DPYD: variants seen among roughly 807,000 people sequenced by gnomAD.
The protein encoded by DPYD is dihydropyrimidine dehydrogenase [NADP(+)].
Under a neutral mutation model 116.2 loss-of-function variants are expected in DPYD, and 109 were observed. The observed-to-expected ratio is 0.94, with a 90% CI of 0.80 to 1.10. The LOEUF (loss-of-function observed/expected upper bound fraction) is 1.10, where lower values mean the gene tolerates loss of function less well. Ranked by LOEUF, DPYD falls within the 50% of genes least tolerant of loss-of-function variation. DPYD has a pLI of 0.00. For missense variants in DPYD, 1,302 were observed against 1,254.5 expected (o/e 1.04, Z -0.57); for synonymous variants, 440 against 432.0 (o/e 1.02, Z -0.23).
intron 2 of DPYD, among the ~76,000 whole-genome samples, chr1:97,874,585 T>G (rs1671814891): frequency 6.6e-6 from 1 of 151,920 alleles, no homozygotes; most frequent in Admixed American, 6.6e-5. Context: ...ATTCAGACAC[T>G]CAGAGGAATT....
intron 18 of DPYD, among the ~76,000 whole-genome samples, chr1:97,301,031 A>G (rs528325642): frequency 6.6e-6 from 1 of 152,126 alleles, no homozygotes; most frequent in African/African-American, 2.4e-5. Flanking sequence ...GAAGCTAGTA[A>G]CCATACAAGC....
At chr1:97,515,692 A>G (rs1313271028) in intron 13 of DPYD, 34 bp downstream of exon 13, 3 of 1,574,960 alleles carry the variant, frequency 1.9e-6, no homozygotes, top group East Asian at 2.2e-5. Flanking sequence ...TATATGATAG[A>G]CATTTCTATA....
At chr1:97,908,364 T>G (rs1017576168) in intron 1 of DPYD, among the ~76,000 whole-genome samples, 3 of 152,116 alleles carry the variant, frequency 2.0e-5, no homozygotes, top group Admixed American at 6.5e-5. Flanking sequence ...CTTTCTTATG[T>G]ATCTTCCCAT....
chr1:97,215,837 A>G (rs77708741), intron 19 of DPYD, among the ~76,000 whole-genome samples: 126 of 152,274 alleles, frequency 8.3e-4, no homozygotes, highest in African/African-American at 3.0e-3. Context: ...AAAGTGACCT[A>G]AGCATTCTTT....
At chr1:97,560,325 A>C (rs1652051404) in intron 11 of DPYD, among the ~76,000 whole-genome samples, 1 of 152,198 alleles carries the variant, frequency 6.6e-6, no homozygotes, top group Non-Finnish European at 1.5e-5. Context: ...CAAGTATTAA[A>C]TACAAAAGAA....
chr1:97,362,189 G>A (rs1007336605), intron 16 of DPYD, among the ~76,000 whole-genome samples: 1 of 152,136 alleles, frequency 6.6e-6, no homozygotes. Flanking sequence ...AATCATGAGC[G>A]AACTCCCATT....
chr1:97,371,137 G>C (rs1671292440), intron 16 of DPYD, among the ~76,000 whole-genome samples: 1 of 151,692 alleles, frequency 6.6e-6, no homozygotes, highest in South Asian at 2.1e-4. Context: ...AAATTACTTA[G>C]GTACAAAGGC....
chr1:97,157,975 G>C (rs1320217927), intron 20 of DPYD, among the ~76,000 whole-genome samples: 1 of 152,076 alleles, frequency 6.6e-6, no homozygotes, highest in Non-Finnish European at 1.5e-5. Flanking sequence ...CACATATTTG[G>C]ACTTGACTGC....
intron 10 of DPYD, among the ~76,000 whole-genome samples, chr1:97,582,146 C>CT (rs1653732128): frequency 6.6e-6 from 1 of 152,130 alleles, no homozygotes; most frequent in African/African-American, 2.4e-5. Context: ...ACATAACTAT[C>CT]TGAGTATAAA....
chr1:97,324,220 C>A (rs1282886765), intron 16 of DPYD, among the ~76,000 whole-genome samples: 1 of 151,894 alleles, frequency 6.6e-6, no homozygotes, highest in Non-Finnish European at 1.5e-5. Flanking sequence ...TTGTATCCTG[C>A]CAATAAATCT....
intron 14 of DPYD, among the ~76,000 whole-genome samples, chr1:97,443,861 G>A (rs1255235051): frequency 1.3e-5 from 2 of 152,208 alleles, no homozygotes; most frequent in Admixed American, 6.5e-5. Context: ...GGTAGTCTTC[G>A]TGGAGATGGC....
intron 20 of DPYD, among the ~76,000 whole-genome samples, chr1:97,099,339 A>G (rs1650494641): frequency 1.3e-5 from 2 of 152,080 alleles, no homozygotes; most frequent in Admixed American, 6.6e-5. Context: ...CACATCACGG[A>G]GCTTTAAATT....
chr1:97,731,719 T>C (rs1026873056), intron 4 of DPYD, among the ~76,000 whole-genome samples: 1 of 152,054 alleles, frequency 6.6e-6, no homozygotes, highest in African/African-American at 2.4e-5. Context: ...AATTACATTT[T>C]CTTTTGGTCT....
intron 3 of DPYD, among the ~76,000 whole-genome samples, chr1:97,776,402 T>A (rs1457811914): frequency 1.3e-5 from 2 of 152,052 alleles, no homozygotes; most frequent in Non-Finnish European, 2.9e-5. Flanking sequence ...ATCACAAAGG[T>A]TAATATTTTT....
chr1:97,806,964 G>A (rs1408613886), intron 3 of DPYD, among the ~76,000 whole-genome samples: 1 of 151,860 alleles, frequency 6.6e-6, no homozygotes, highest in Non-Finnish European at 1.5e-5. Flanking sequence ...GCATTTAACT[G>A]TACTCCATGT....
intron 10 of DPYD, among the ~76,000 whole-genome samples, chr1:97,589,843 C>T (rs746591026): frequency 7.9e-5 from 12 of 152,192 alleles, no homozygotes; most frequent in East Asian, 3.9e-4. Flanking sequence ...ACATATTTGA[C>T]GACATCTCTA....
intron 16 of DPYD, among the ~76,000 whole-genome samples, chr1:97,342,864 T>C (rs1669651516): frequency 6.6e-6 from 1 of 152,062 alleles, no homozygotes. Context: ...TTATCATCAC[T>C]CCCCCTACCA....
intron 2 of DPYD, among the ~76,000 whole-genome samples, chr1:97,861,359 A>AT (rs905404485): frequency 2.0e-5 from 3 of 151,916 alleles, no homozygotes; most frequent in Admixed American, 1.3e-4. Flanking sequence ...GGAAAATGTC[A>AT]TTTTGAGATA....
At chr1:97,689,726 G>A (rs1052624400) in intron 7 of DPYD, among the ~76,000 whole-genome samples, 1 of 152,018 alleles carries the variant, frequency 6.6e-6, no homozygotes, top group Non-Finnish European at 1.5e-5. Context: ...TCAAAAGGAG[G>A]TAATGAGCAC....
Sources: allele counts gnomAD v4.1 joint callset (sites outside exome capture counted in the v4.1 genomes callset), GRCh38; gene constraint gnomAD v4.1.1; transcripts MANE v1.5; gene names NCBI Gene and HGNC (gene_info 2026-07-23, HGNC 2026-07-21).